The following CHSY3 variants were observed in gnomAD, a reference collection of about 807,000 sequenced individuals.
CHSY3 encodes the protein N-acetylgalactosaminyl-proteoglycan 3-beta-glucuronosyltransferase 3.
Under a neutral mutation model 67.2 loss-of-function variants are expected in CHSY3, and 35 were observed. The ratio of observed to expected loss-of-function variants is 0.52; its 90% CI spans 0.40 to 0.69. The LOEUF (loss-of-function observed/expected upper bound fraction) is 0.69, where lower values mean the gene tolerates loss of function less well. Among genes scored for constraint, CHSY3 ranks in the 30% least tolerant of loss-of-function variants. CHSY3 has a pLI of 0.00. For missense variants in CHSY3, 1,069 were observed against 1,138.5 expected, an observed-to-expected ratio of 0.94 and a Z score of 0.88; for synonymous variants, 474 against 434.7, an observed-to-expected ratio of 1.09 and a Z score of -1.12.
chr5:130,118,373 T>C (rs1038149842), intron 2 of CHSY3, among the ~76,000 whole-genome samples: 4 of 152,118 alleles, frequency 2.6e-5, no homozygotes, highest in African/African-American at 9.7e-5. Context: ...TTTTTATCAG[T>C]GAAGCAGGTT....
At chr5:130,125,416 C>T (rs1580758934) in intron 2 of CHSY3, among the ~76,000 whole-genome samples, 1 of 140,996 alleles carries the variant, frequency 7.1e-6, no homozygotes, top group Middle Eastern at 3.5e-3. Context: ...GATCCTGTCT[C>T]AGATAGATAG....
intron 2 of CHSY3, among the ~76,000 whole-genome samples, chr5:130,032,266 A>G (rs939818398): frequency 1.3e-5 from 2 of 152,186 alleles, no homozygotes; most frequent in Admixed American, 1.3e-4. Flanking sequence ...TCCTTGAACA[A>G]TAAGGGAATA....
intron 2 of CHSY3, among the ~76,000 whole-genome samples, chr5:129,920,425 TG>T (rs1307763587): frequency 1.3e-5 from 2 of 152,186 alleles, no homozygotes; most frequent in Non-Finnish European, 2.9e-5. Flanking sequence ...TTTGTATTTT[TG>T]GTAGAGATGG....
At chr5:130,060,738 G>A (rs10042508) in intron 2 of CHSY3, among the ~76,000 whole-genome samples, 127,858 of 152,176 alleles carry the variant, frequency 0.84, 54,316 homozygotes, top group East Asian at 1. Context: ...TCAGTGTGCA[G>A]AAATCAGTAG....
intron 2 of CHSY3, among the ~76,000 whole-genome samples, chr5:130,132,550 A>T (rs773153313): frequency 2.3e-4 from 35 of 152,146 alleles, no homozygotes; most frequent in Admixed American, 1.1e-3. Flanking sequence ...ACAAAATCTC[A>T]GTTGATATAA....
intron 2 of CHSY3, among the ~76,000 whole-genome samples, chr5:130,149,798 T>TA (rs78445072): frequency 0.2 from 29,731 of 152,170 alleles, 3,637 homozygotes; most frequent in African/African-American, 0.33. Context: ...ATTTGTTGGT[T>TA]AAAACACCAG....
chr5:130,111,370 G>A (rs1767587691), intron 2 of CHSY3, among the ~76,000 whole-genome samples: 2 of 151,986 alleles, frequency 1.3e-5, no homozygotes, highest in South Asian at 4.1e-4. Context: ...TATATTTTAT[G>A]ACCCTGAATA....
At chr5:130,072,200 G>A (rs1310661605) in intron 2 of CHSY3, among the ~76,000 whole-genome samples, 2 of 152,068 alleles carry the variant, frequency 1.3e-5, no homozygotes, top group Non-Finnish European at 2.9e-5. Context: ...TTAGTTTCAT[G>A]CAATCTACCC....
chr5:130,065,123 G>A (rs1469293685), intron 2 of CHSY3, among the ~76,000 whole-genome samples: 1 of 152,102 alleles, frequency 6.6e-6, no homozygotes, highest in Admixed American at 6.6e-5. Context: ...CAAAGCCTCA[G>A]AACAGTTAAA....
chr5:130,061,909 T>C (rs1297715604), intron 2 of CHSY3, among the ~76,000 whole-genome samples: 2 of 151,666 alleles, frequency 1.3e-5, no homozygotes, highest in East Asian at 3.9e-4. Flanking sequence ...AAAACAGATA[T>C]TGGCATGGAT....
chr5:130,025,293 T>G (rs1764508744), intron 2 of CHSY3, among the ~76,000 whole-genome samples: 1 of 152,110 alleles, frequency 6.6e-6, no homozygotes, highest in Non-Finnish European at 1.5e-5. Context: ...ATTAGCCATA[T>G]GAAAAATCCA....
At chr5:129,984,444 G>A (rs1312305378) in intron 2 of CHSY3, among the ~76,000 whole-genome samples, 1 of 152,080 alleles carries the variant, frequency 6.6e-6, no homozygotes, top group East Asian at 1.9e-4. Flanking sequence ...GGCCATATAG[G>A]TTGATTCCAC....
chr5:130,001,399 G>C (rs1313457063), intron 2 of CHSY3: 1 of 890,860 alleles, frequency 1.1e-6, no homozygotes, highest in Non-Finnish European at 1.3e-6. Context: ...TTTTCCTCCA[G>C]AGTTAGTAGG....
chr5:130,159,313 C>A (rs1043032351), intron 2 of CHSY3, among the ~76,000 whole-genome samples: 2 of 151,586 alleles, frequency 1.3e-5, no homozygotes, highest in Non-Finnish European at 2.9e-5. Flanking sequence ...TACAGGCGTG[C>A]GCCACCACAC....
chr5:129,978,650 A>G lies in CHSY3; in HGVS notation c.1086+70290A>G, dbSNP rs181947951. On this transcript the variant is annotated intron_variant, in intron 2 of 2. Transcript: ENST00000305031. ...TACAAATCGTAATGAAGATAAGCCT[A>G]TAATGTTGATGGAATGTGTCACTGA... 9.9e-5 allele frequency among the ~76,000 whole-genome samples: 15 copies of G among 152,278 alleles called. No individual in the cohort carries two copies. In the East Asian group the frequency reaches 2.9e-3, roughly 29 times the overall value.
intron 2 of CHSY3, among the ~76,000 whole-genome samples, chr5:130,171,758 C>A (rs1321689397): frequency 6.6e-6 from 1 of 152,150 alleles, no homozygotes; most frequent in Admixed American, 6.6e-5. Context: ...CAGATTGTTA[C>A]TTGGATTTCA....
At chr5:130,146,976 T>A (rs1769093256) in intron 2 of CHSY3, among the ~76,000 whole-genome samples, 1 of 152,104 alleles carries the variant, frequency 6.6e-6, no homozygotes, top group Non-Finnish European at 1.5e-5. Flanking sequence ...GTATTTTTAG[T>A]AGAGACGGGG....
intron 2 of CHSY3, among the ~76,000 whole-genome samples, chr5:130,064,583 A>G (rs1483414342): frequency 6.6e-6 from 1 of 152,172 alleles, no homozygotes; most frequent in Non-Finnish European, 1.5e-5. Flanking sequence ...AATTTGGGAA[A>G]CAGTTGAAAG....
chr5:130,007,356 G>T (rs1185023359), intron 2 of CHSY3, among the ~76,000 whole-genome samples: 2 of 152,128 alleles, frequency 1.3e-5, no homozygotes, highest in East Asian at 1.9e-4. Context: ...CCACTGAGAG[G>T]CCGGACCATC....
Sources: allele counts gnomAD v4.1 joint callset (sites outside exome capture counted in the v4.1 genomes callset), GRCh38; gene constraint gnomAD v4.1.1; transcripts MANE v1.5; gene names NCBI Gene and HGNC (gene_info 2026-07-23, HGNC 2026-07-21).